Variants in FIRRM observed in about 807,000 individuals in gnomAD.
FIRRM encodes the protein FIGNL1 interacting regulator of recombination and mitosis, also known as FIGNL1-interacting regulator of recombination and mitosis.
At chr1:169,797,373 T>A in the FIRRM span, among the ~76,000 whole-genome samples, 8 of 152,262 alleles carry the variant, frequency 5.3e-5, no homozygotes, top group Non-Finnish European at 7.3e-5. Context: ...CATAACTGAC[T>A]AATTTTGGAA....
chr1:169,838,621 C>T, the FIRRM span, among the ~76,000 whole-genome samples: 1 of 152,150 alleles, frequency 6.6e-6, no homozygotes, highest in Non-Finnish European at 1.5e-5. Flanking sequence ...TCCAGAGCAG[C>T]TGGGATTACA....
At chr1:169,829,388 A>G in the FIRRM span, 5 of 1,613,738 alleles carry the variant, frequency 3.1e-6, no homozygotes, top group East Asian at 6.7e-5. Context: ...TTGTATCAGC[A>G]TGTTTGTGTT....
At chr1:169,838,169 T>TG in the FIRRM span, among the ~76,000 whole-genome samples, 9 of 152,068 alleles carry the variant, frequency 5.9e-5, no homozygotes, top group East Asian at 5.8e-4. Context: ...GAACTCCTGA[T>TG]GTCAGGTAAT....
chr1:169,843,762 T>C, the FIRRM span: 1 of 1,587,242 alleles, frequency 6.3e-7, no homozygotes, highest in Middle Eastern at 1.7e-4. Context: ...CCTAAACTGA[T>C]ACTTCAGGTA....
chr1:169,852,574 T>C, the FIRRM span: 1 of 568,486 alleles, frequency 1.8e-6, no homozygotes. Context: ...ACATACAAAC[T>C]AAGACACTGG....
the FIRRM span, chr1:169,850,278 A>T: frequency 6.2e-7 from 1 of 1,609,044 alleles, no homozygotes; most frequent in Non-Finnish European, 8.5e-7. Context: ...ACAAATCATG[A>T]AGAGATAGTT....
the FIRRM span, among the ~76,000 whole-genome samples, chr1:169,826,397 C>T: frequency 1.8e-4 from 23 of 126,716 alleles, no homozygotes; most frequent in African/African-American, 7.1e-4. Context: ...GAGTTTCACT[C>T]TGCCGCCCAG....
chr1:169,838,526 G>C, the FIRRM span, among the ~76,000 whole-genome samples: 1 of 151,800 alleles, frequency 6.6e-6, no homozygotes, highest in African/African-American at 2.4e-5. Context: ...GTCTCGCTCT[G>C]TTGCCCAGGC....
the FIRRM span, chr1:169,850,667 G>A: frequency 2.0e-5 from 4 of 196,172 alleles, no homozygotes; most frequent in African/African-American, 2.3e-5. Flanking sequence ...ATGGTGGTAC[G>A]CGCCTGCAGT....
At chr1:169,845,263 TTA>T in the FIRRM span, among the ~76,000 whole-genome samples, 1 of 152,248 alleles carries the variant, frequency 6.6e-6, no homozygotes, top group Non-Finnish European at 1.5e-5. Flanking sequence ...AAAAAACACT[TTA>T]TTGCTAAAAA....
At chr1:169,832,313 C>T in the FIRRM span, 1 of 706,100 alleles carries the variant, frequency 1.4e-6, no homozygotes, top group Non-Finnish European at 2.5e-6. Context: ...ACAATCTTTT[C>T]CCCTAGAAAG....
the FIRRM span, among the ~76,000 whole-genome samples, chr1:169,829,055 C>G: frequency 2.0e-5 from 3 of 152,090 alleles, no homozygotes; most frequent in Non-Finnish European, 2.9e-5. Flanking sequence ...AAAAAATGTC[C>G]AGGAAAATTC....
chr1:169,837,685 G>A, the FIRRM span, among the ~76,000 whole-genome samples: 1 of 152,106 alleles, frequency 6.6e-6, no homozygotes, highest in Non-Finnish European at 1.5e-5. Context: ...TTTGTTCTAG[G>A]CATTGGGGGT....
At chr1:169,798,886 C>A in the FIRRM span, 2 of 1,248,636 alleles carry the variant, frequency 1.6e-6, no homozygotes, top group Non-Finnish European at 2.2e-6. Flanking sequence ...TACCCTATTA[C>A]TATGATACTA....
At chr1:169,803,621 C>T in the FIRRM span, among the ~76,000 whole-genome samples, 1 of 152,104 alleles carries the variant, frequency 6.6e-6, no homozygotes, top group Non-Finnish European at 1.5e-5. Context: ...GACCAATATT[C>T]AATTACCATT....
the FIRRM span, among the ~76,000 whole-genome samples, chr1:169,808,902 A>G: frequency 1.3e-5 from 2 of 152,152 alleles, no homozygotes; most frequent in African/African-American, 4.8e-5. Context: ...CCCAGCCTAT[A>G]TGTAATAATT....
chr1:169,850,368 G>A, the FIRRM span: 2 of 1,485,920 alleles, frequency 1.3e-6, no homozygotes, highest in Non-Finnish European at 1.9e-6. Flanking sequence ...CATGGCTCAT[G>A]TTTTATTCTT....
the FIRRM span, among the ~76,000 whole-genome samples, chr1:169,840,964 T>G: frequency 6.6e-6 from 1 of 152,234 alleles, no homozygotes; most frequent in Admixed American, 6.5e-5. Context: ...CTTATTGCTC[T>G]GGCTTGAACT....
the FIRRM span, among the ~76,000 whole-genome samples, chr1:169,787,563 C>G: frequency 6.6e-6 from 1 of 152,176 alleles, no homozygotes; most frequent in Non-Finnish European, 1.5e-5. Flanking sequence ...TATAAATTCC[C>G]ACTTGCCCAT....
Sources: gnomAD v4.1 joint callset for allele counts (sites outside exome capture counted in the v4.1 genomes callset) on GRCh38, gnomAD v4.1.1 for gene constraint, MANE v1.5 for transcripts, NCBI Gene and HGNC (gene_info 2026-07-23, HGNC 2026-07-21) for gene names.